TSPAN32: variants seen among roughly 807,000 people sequenced by gnomAD.
TSPAN32 encodes tetraspanin-32.
TSPAN32 carries 47 observed loss-of-function variants against 42.7 expected under a neutral mutation model. The ratio of observed to expected loss-of-function variants is 1.10; its 90% CI spans 0.87 to 1.40. TSPAN32 has a LOEUF of 1.40. Among genes scored for constraint, TSPAN32 ranks in the 40% most tolerant of loss-of-function variants. The pLI, the probability that TSPAN32 is intolerant of heterozygous loss-of-function variation, is 0.00. For missense variants in TSPAN32, 469 were observed against 424.1 expected (o/e 1.11, Z -0.93); for synonymous variants, 175 against 175.9 (o/e 0.99, Z 0.04).
rs915869604 is a variant in TSPAN32, at chr11:2,313,401, G to C, written c.355-253G>C. Among the ~76,000 whole-genome samples, 3 of 152,200 alleles carry C rather than the reference G, an allele frequency of 2.0e-5. No homozygotes were observed. Among genetic ancestry groups the C allele is most frequent in the African/African-American group, 7.2e-5 (3 of 41,440 alleles). Reference sequence around the variant, plus strand: ...GCTTGGCCTCTGCTTTATCCTGCGGGACCCTCTGGGGGCAGGAGGGCCACT... The same window carrying C: ...GCTTGGCCTCTGCTTTATCCTGCGGCACCCTCTGGGGGCAGGAGGGCCACT... On this transcript the variant is annotated intron_variant, in intron 4 of 9. Transcript: ENST00000182290. This position sits in a 1 kb window ranked among gnomAD's most constrained non-coding sequence, Gnocchi z 9.1.
At chr11:2,306,611 T>A (rs1237870292) in intron 3 of TSPAN32, among the ~76,000 whole-genome samples, 1 of 150,680 alleles carries the variant, frequency 6.6e-6, no homozygotes, top group African/African-American at 2.4e-5. Flanking sequence ...TCCTGAGGAA[T>A]GAAATGGTTT....
intron 8 of TSPAN32, 99 bp downstream of exon 8, chr11:2,316,766 C>A: frequency 7.6e-7 from 1 of 1,307,454 alleles, no homozygotes; most frequent in Non-Finnish European, 1.0e-6. Context: ...GCCCCGGGAC[C>A]AAGCCCCAGG....
At chr11:2,308,693 A>G in intron 3 of TSPAN32, 43 bp from the exon 4 acceptor site, 4 of 917,828 alleles carry the variant, frequency 4.4e-6, no homozygotes, top group Non-Finnish European at 6.4e-6. Context: ...AGCCCCCCGC[A>G]GTGACCAGCC....
chr11:2,310,380 G>C (rs566409648), intron 4 of TSPAN32, among the ~76,000 whole-genome samples: 12 of 152,290 alleles, frequency 7.9e-5, no homozygotes, highest in Admixed American at 3.9e-4. Context: ...CTCACCTATG[G>C]CCTGTCCCAG....
intron 4 of TSPAN32, among the ~76,000 whole-genome samples, chr11:2,310,460 G>T (rs1848399551): frequency 6.6e-6 from 1 of 152,196 alleles, no homozygotes; most frequent in African/African-American, 2.4e-5. Context: ...TCAGGGGTCA[G>T]TTCTCAGGGC....
chr11:2,314,610 C>A, intron 6 of TSPAN32, 39 bp downstream of exon 6: 2 of 1,539,032 alleles, frequency 1.3e-6, no homozygotes, highest in Admixed American at 1.9e-5. Flanking sequence ...GCAAGACCCT[C>A]GGGGGCTGGA....
chr11:2,314,238 G>A (rs942107450), intron 5 of TSPAN32, among the ~76,000 whole-genome samples: 1 of 152,084 alleles, frequency 6.6e-6, no homozygotes, highest in African/African-American at 2.4e-5. Context: ...CGGGGAAGCT[G>A]CCTGGCTCCA....
Position 2,314,459 on chromosome 11 carries a change from C to A in TSPAN32, c.457-26C>A, listed in dbSNP as rs1382604058. The A allele has an allele frequency of 4.4e-6, 7 of 1,588,356 alleles. No individual in the cohort carries two copies. The South Asian group carries it at 5.7e-5, about 13-fold the overall frequency. ...CTCCTGGGGTCTCGGGAGCACATCA[C>A]CACTCCCTCCCTTCTGTTCCTGTAG... On this transcript the variant is annotated intron_variant, in intron 5 of 9. Coordinates refer to ENST00000182290, the MANE Select transcript of TSPAN32 (RefSeq NM_139022.3).
In TSPAN32 at chr11:2,317,275, T is replaced by C; in HGVS notation, c.720-69T>C. ...CAGCCCCATGATCCCCTCTAGAACA[T>C]TCCACAATAGCCTCACAGGTCCCCT... On this transcript the variant is annotated intron_variant, in intron 8 of 9. Coordinates refer to ENST00000182290, the MANE Select transcript of TSPAN32 (RefSeq NM_139022.3). The surrounding 1 kb of genome is among the most constrained non-coding windows in gnomAD (Gnocchi z 6.2). The C allele has an allele frequency of 7.7e-7, 1 of 1,303,396 alleles. No individual in the cohort carries two copies. The highest frequency in any genetic ancestry group is 1.1e-6 in the Non-Finnish European group (1 of 931,762). 80.7% of individuals were successfully genotyped at this position (1,303,396 alleles called of 1,614,324 possible).
Position 2,317,983 on chromosome 11 carries a change from A to G in TSPAN32, c.*59A>G, listed in dbSNP as rs1169315489. 11 of 755,070 alleles carry G rather than the reference A, an allele frequency of 1.5e-5. No individual in the cohort carries two copies. The highest frequency in any genetic ancestry group is 2.4e-5 in the Non-Finnish European group (10 of 415,990). 46.8% of individuals were successfully genotyped at this position (755,070 alleles called of 1,614,324 possible). A position where few individuals can be genotyped will look rare whatever the true frequency, so the allele number is the denominator to read the frequency against. On this transcript the variant is annotated 3_prime_UTR_variant, in exon 10 of 10. Coordinates refer to ENST00000182290, the MANE Select transcript of TSPAN32 (RefSeq NM_139022.3). This position sits in a 1 kb window ranked among gnomAD's most constrained non-coding sequence, Gnocchi z 6.2. ...AGGCTCCGGGGAAGCATCTGCCTCCAGGACCATTCAGGCTGTTGACAAGTC... is the reference window on the plus strand; with the variant it reads ...AGGCTCCGGGGAAGCATCTGCCTCCGGGACCATTCAGGCTGTTGACAAGTC...
rs114963669 is a variant in TSPAN32, at chr11:2,310,638, C to T, written c.354+1828C>T. On this transcript the variant is annotated intron_variant, in intron 4 of 9. Coordinates refer to ENST00000182290, the MANE Select transcript of TSPAN32 (RefSeq NM_139022.3). ...TATGAAGTCAGTGTCCTTGGGCCGCCCTTGGGCAAGCCACTTTAACTTCCT... is the reference window on the plus strand; with the variant it reads ...TATGAAGTCAGTGTCCTTGGGCCGCTCTTGGGCAAGCCACTTTAACTTCCT... Among the ~76,000 whole-genome samples, 95 of 152,332 alleles carry T rather than the reference C, an allele frequency of 6.2e-4. 1 individual carries two copies. The Middle Eastern group carries it at 0.014, about 22-fold the overall frequency.
chr11:2,304,233 G>A lies in TSPAN32; in HGVS notation c.279+29G>A. ...AGTTCATTGTGTTCCCAGATGCCCA[G>A]GCCCCCAGAAAAGAATTAGAAAGGA... On this transcript the variant is annotated intron_variant, in intron 3 of 9. Transcript: ENST00000182290. This position sits in a 1 kb window ranked among gnomAD's most constrained non-coding sequence, Gnocchi z 4.8. The A allele has an allele frequency of 6.8e-7, 1 of 1,460,008 alleles. No individual in the cohort carries two copies. The highest frequency in any genetic ancestry group is 1.4e-5 in the African/African-American group (1 of 70,398). The allele number at this position is 1,460,008 out of a possible 1,614,324, so 90.4% of individuals were successfully genotyped here.
intron 3 of TSPAN32, among the ~76,000 whole-genome samples, chr11:2,306,046 C>CTGTGTGTGTGTGTGTGTGTGTGTGTG (rs56961357): frequency 3.0e-4 from 44 of 147,216 alleles, no homozygotes; most frequent in South Asian, 1.3e-3. Flanking sequence ...GCAGGTGCCT[C>CTGTGTGTGTGTGTGTGTGTGTGTGTG]TGTGTGTGTG....
chr11:2,315,696 C>T (rs1286311577), intron 6 of TSPAN32: 5 of 1,204,830 alleles, frequency 4.1e-6, no homozygotes, highest in East Asian at 5.8e-5. Context: ...GGTTCAGAGA[C>T]AGGCCTGCCA....
chr11:2,316,569 C>T lies in TSPAN32; in HGVS notation c.628-7C>T, dbSNP rs755630946. ...CAGTGGGGCAGCCGCGGGTGTCTCC[C>T]TCCCAGGTGTCCGCCTTGCTCTTCA... On this transcript the variant is annotated splice_polypyrimidine_tract_variant and splice_region_variant and intron_variant, in intron 7 of 9. Coordinates refer to ENST00000182290, the MANE Select transcript of TSPAN32 (RefSeq NM_139022.3). 3 of 1,596,156 alleles carry T rather than the reference C, an allele frequency of 1.9e-6. No homozygotes were observed. In the East Asian group the frequency reaches 6.7e-5, roughly 36 times the overall value.
In TSPAN32 at chr11:2,304,037, C is replaced by A; in HGVS notation, c.182-70C>A. ...CCCCTGACTCCCAAGTTAGATTTCA[C>A]ACCCAGGCTGTGTGCACTCAGGACC... On this transcript the variant is annotated intron_variant, in intron 2 of 9. Transcript: ENST00000182290. The surrounding 1 kb of genome is among the most constrained non-coding windows in gnomAD (Gnocchi z 4.8). 1.6e-6 allele frequency: 2 copies of A among 1,242,836 alleles called. No homozygotes were observed. Among genetic ancestry groups the A allele is most frequent in the Non-Finnish European group, 2.3e-6 (2 of 868,932 alleles). The allele number at this position is 1,242,836 out of a possible 1,614,324, so 77.0% of individuals were successfully genotyped here. A position where few individuals can be genotyped will look rare whatever the true frequency, so the allele number is the denominator to read the frequency against.
In TSPAN32 at chr11:2,313,507, TGG is replaced by T; in HGVS notation, c.355-144_355-143del. 1 of 629,270 alleles carries T rather than the reference TGG, an allele frequency of 1.6e-6. No homozygotes were observed. Among genetic ancestry groups the T allele is most frequent in the Non-Finnish European group, 2.7e-6 (1 of 364,244 alleles). The allele number at this position is 629,270 out of a possible 1,614,324, so 39.0% of individuals were successfully genotyped here. Reference sequence around the variant, plus strand: ...CTGCCCAGGGACCCAGGTTCCGCTTTGGGGAGATCCACCTGCTACAAGGAGGG... The same window carrying T: ...CTGCCCAGGGACCCAGGTTCCGCTTTGGAGATCCACCTGCTACAAGGAGGG... On this transcript the variant is annotated intron_variant, in intron 4 of 9. Transcript: ENST00000182290. This position sits in a 1 kb window ranked among gnomAD's most constrained non-coding sequence, Gnocchi z 9.1.
At chr11:2,315,311 AG>A in intron 6 of TSPAN32, 1 of 1,172,610 alleles carries the variant, frequency 8.5e-7, no homozygotes, top group East Asian at 8.0e-5. Flanking sequence ...AGGCCTGGTG[AG>A]GGGTGGAGCC....
chr11:2,309,223 G>T (rs1170472190), intron 4 of TSPAN32: 4 of 416,508 alleles, frequency 9.6e-6, no homozygotes, highest in South Asian at 6.8e-5. Flanking sequence ...GAGGGCCAGC[G>T]CTCCTGATGG....
Sources: gnomAD v4.1 joint callset for allele counts (sites outside exome capture counted in the v4.1 genomes callset) on GRCh38, gnomAD v4.1.1 for gene constraint, Gnocchi (gnomAD v3.1) non-coding constraint, MANE v1.5 for transcripts, NCBI Gene and HGNC (gene_info 2026-07-23, HGNC 2026-07-21) for gene names.